RPA1: variants seen among roughly 807,000 people sequenced by gnomAD.
RPA1 encodes replication protein A1.
RPA1 carries 49 observed loss-of-function variants against 83.0 expected under a neutral mutation model. That is an observed-to-expected ratio of 0.59 (90% CI 0.47 to 0.75). The LOEUF (loss-of-function observed/expected upper bound fraction) is 0.75. Ranked by LOEUF, RPA1 falls within the 30% of genes least tolerant of loss-of-function variation. The pLI is 0.00. For synonymous variants in RPA1, 279 were observed against 281.8 expected (o/e 0.99, Z 0.10); for missense variants, 693 against 776.1 (o/e 0.89, Z 1.27).
intron 12 of RPA1, among the ~76,000 whole-genome samples, chr17:1,881,694 A>G (rs923063661): frequency 1.3e-5 from 2 of 152,138 alleles, no homozygotes; most frequent in South Asian, 2.1e-4. Flanking sequence ...TTGCATTCCC[A>G]CATTAATGTC....
At chr17:1,841,454 C>T (rs1346691010) in intron 1 of RPA1, among the ~76,000 whole-genome samples, 1 of 152,162 alleles carries the variant, frequency 6.6e-6, no homozygotes, top group Non-Finnish European at 1.5e-5. Flanking sequence ...CAGGCATGCG[C>T]CACCACGCCC....
At chr17:1,876,492 T>G (rs572600397) in intron 7 of RPA1, among the ~76,000 whole-genome samples, 101 of 152,282 alleles carry the variant, frequency 6.6e-4, no homozygotes, top group African/African-American at 2.4e-3. Flanking sequence ...GAGGCGGAGG[T>G]TGCAGTGAGC....
chr17:1,883,321 G>T (rs529438930), intron 12 of RPA1, among the ~76,000 whole-genome samples: 2 of 151,982 alleles, frequency 1.3e-5, no homozygotes, highest in African/African-American at 2.4e-5. Context: ...CCACCACCAC[G>T]CCCGGCTAAT....
chr17:1,895,051 C>T lies in RPA1; in HGVS notation c.1702C>T (p.Arg568Ter), dbSNP rs1484162674. 4.3e-6 allele frequency: 7 copies of T among 1,613,410 alleles called. No homozygotes were observed. The highest frequency in any genetic ancestry group is 2.2e-5 in the South Asian group (2 of 91,022). The change falls in exon 16 of 17, where the codon CGA becomes TGA. Residue 568 changes from arginine to a stop codon, truncating the protein, a stop_gained. Coordinates refer to ENST00000254719, the MANE Select transcript of RPA1 (RefSeq NM_002945.5). LOFTEE classifies it high-confidence loss of function. ...FEEVFQNANFRSFIFRVRVKV... is the reference protein window; with the variant it reads ...FEEVFQNANF ...AGAAGTTTTCCAGAATGCCAACTTC[C>T]GATCTTTCATATTCAGAGTCAGGGT...
chr17:1,870,737 G>A (rs1352526718), intron 5 of RPA1, among the ~76,000 whole-genome samples: 1 of 152,208 alleles, frequency 6.6e-6, no homozygotes, highest in Non-Finnish European at 1.5e-5. Context: ...TTGAATCTAT[G>A]TGATCAGCAA....
intron 5 of RPA1, among the ~76,000 whole-genome samples, chr17:1,858,782 G>A (rs1912821944): frequency 6.6e-6 from 1 of 151,884 alleles, no homozygotes; most frequent in Admixed American, 6.6e-5. Flanking sequence ...GTATTTTCTA[G>A]AGATCTTGTT....
intron 6 of RPA1, among the ~76,000 whole-genome samples, chr17:1,874,026 TATATATACACAC>T (rs1217104704): frequency 9.1e-6 from 1 of 110,162 alleles, no homozygotes; most frequent in Non-Finnish European, 1.7e-5. Context: ...TATATATATA[TATATATACACAC>T]ACACACACAC....
rs190426942 is a variant in RPA1, at chr17:1,849,143, C to T, written c.273-3958C>T. Among the ~76,000 whole-genome samples the T allele has an allele frequency of 6.6e-5, 10 of 152,222 alleles. No individual in the cohort carries two copies. In the East Asian group the frequency reaches 1.5e-3, roughly 23 times the overall value. ...CACCAGTTTACCTCCCTGCCAACAG[C>T]GCGTGAGTGTGGAGTTTCTCCCCGT... On this transcript the variant is annotated intron_variant, in intron 4 of 16. Coordinates refer to ENST00000254719, the MANE Select transcript of RPA1 (RefSeq NM_002945.5).
chr17:1,888,626 C>T (rs1914083814), intron 13 of RPA1, 49 bp from the exon 14 acceptor site: 2 of 1,567,532 alleles, frequency 1.3e-6, no homozygotes, highest in Non-Finnish European at 1.7e-6. Context: ...CGGTCCGATC[C>T]TGGGCGGGCT....
chr17:1,881,944 C>A (rs897351820), intron 12 of RPA1, among the ~76,000 whole-genome samples: 1 of 152,116 alleles, frequency 6.6e-6, no homozygotes, highest in African/African-American at 2.4e-5. Flanking sequence ...CTTTTGAAAC[C>A]GTGAACTTGT....
intron 12 of RPA1, among the ~76,000 whole-genome samples, chr17:1,883,541 A>AG (rs1235508033): frequency 6.6e-6 from 1 of 152,134 alleles, no homozygotes; most frequent in Admixed American, 6.5e-5. Flanking sequence ...CACTGAGCTC[A>AG]GGGGGTCAAA....
intron 16 of RPA1, among the ~76,000 whole-genome samples, chr17:1,896,283 A>G (rs760207968): frequency 6.6e-6 from 1 of 152,210 alleles, no homozygotes; most frequent in Non-Finnish European, 1.5e-5. Context: ...CCAAGCACAC[A>G]GCAGTGTGAC....
intron 5 of RPA1, among the ~76,000 whole-genome samples, chr17:1,869,312 G>A (rs938601732): frequency 1.3e-5 from 2 of 152,124 alleles, no homozygotes; most frequent in Admixed American, 1.3e-4. Flanking sequence ...TGAGGTGGGC[G>A]GGTCACCTGA....
chr17:1,850,140 C>T (rs1912433205), intron 4 of RPA1, among the ~76,000 whole-genome samples: 1 of 150,356 alleles, frequency 6.7e-6, no homozygotes, highest in Non-Finnish European at 1.5e-5. Context: ...CCACTGCACT[C>T]TAGCCTGGGC....
At chr17:1,885,333 C>T (rs192024868) in intron 13 of RPA1, among the ~76,000 whole-genome samples, 1 of 152,138 alleles carries the variant, frequency 6.6e-6, no homozygotes, top group East Asian at 1.9e-4. Context: ...CTAGTTCTCT[C>T]GTTATTTTCG....
intron 1 of RPA1, among the ~76,000 whole-genome samples, chr17:1,842,434 A>G (rs1912086169): frequency 6.6e-6 from 1 of 152,152 alleles, no homozygotes; most frequent in Non-Finnish European, 1.5e-5. Flanking sequence ...GGATTTATCC[A>G]CTTTATCTTG....
chr17:1,875,739 G>C lies in RPA1; in HGVS notation c.533G>C (p.Gly178Ala). ...AAGPSLSHTS[G>A]GTQSKVVPIA... is the part of the protein sequence containing the mutation. ...GGTCCCAGCCTGTCACACACTTCTG[G>C]GGGAACACAGTCCAAAGTGGTGCCC... The change falls in exon 7 of 17, where the codon GGG becomes GCG. Residue 178 changes from glycine (G) to alanine (A), a missense_variant. Gly to Ala is a moderately conservative substitution (Grantham distance 60). Coordinates refer to ENST00000254719, the MANE Select transcript of RPA1 (RefSeq NM_002945.5). 1 of 1,614,086 alleles carries C rather than the reference G, an allele frequency of 6.2e-7. No homozygotes were observed. The highest frequency in any genetic ancestry group is 8.5e-7 in the Non-Finnish European group (1 of 1,180,030).
intron 5 of RPA1, among the ~76,000 whole-genome samples, chr17:1,861,391 A>G (rs936139098): frequency 1.3e-5 from 2 of 152,064 alleles, no homozygotes; most frequent in Admixed American, 1.3e-4. Flanking sequence ...CATGCGTCTC[A>G]CGTATTTTCT....
Position 1,899,635 on chromosome 17 carries a change from A to AC in RPA1, c.*2460_*2461insC, listed in dbSNP as rs1914575104. On this transcript the variant is annotated 3_prime_UTR_variant, in exon 17 of 17. Coordinates refer to ENST00000254719, the MANE Select transcript of RPA1 (RefSeq NM_002945.5). Reference sequence around the variant, plus strand: ...CTGTTTCCTGAGTGGGCTGTCTTCAAAAAGTATAAATACTATTGATCGTGG... The same window carrying AC: ...CTGTTTCCTGAGTGGGCTGTCTTCAACAAAGTATAAATACTATTGATCGTGG... The AC allele has an allele frequency of 6.6e-6, 1 of 152,210 alleles. No individual in the cohort carries two copies. Among genetic ancestry groups the AC allele is most frequent in the East Asian group, 1.9e-4 (1 of 5,202 alleles). The allele number at this position is 152,210 out of a possible 1,614,324, so 9.4% of individuals were successfully genotyped here.
Sources: gnomAD v4.1 joint callset for allele counts (sites outside exome capture counted in the v4.1 genomes callset) on GRCh38, gnomAD v4.1.1 for gene constraint, MANE v1.5 for transcripts, NCBI Gene and HGNC (gene_info 2026-07-23, HGNC 2026-07-21) for gene names.